The following PDE4B variants were observed in gnomAD, a reference collection of about 807,000 sequenced individuals.
PDE4B encodes phosphodiesterase 4B, also known as 3',5'-cyclic-AMP phosphodiesterase 4B.
PDE4B carries 20 observed loss-of-function variants against 82.2 expected under a neutral mutation model. That is an observed-to-expected ratio of 0.24 (90% CI 0.17 to 0.35). The LOEUF (loss-of-function observed/expected upper bound fraction) is 0.35. PDE4B is among the 10% of genes least tolerant of loss of function. PDE4B has a pLI of 1.00. For synonymous variants in PDE4B, 320 were observed against 318.9 expected, an observed-to-expected ratio of 1.00 and a Z score of -0.04; for missense variants, 655 against 907.2, an observed-to-expected ratio of 0.72 and a Z score of 3.57.
At chr1:66,185,024 G>A (rs1056284462) in intron 3 of PDE4B, among the ~76,000 whole-genome samples, 1 of 151,816 alleles carries the variant, frequency 6.6e-6, no homozygotes, top group African/African-American at 2.4e-5. Flanking sequence ...GGTGTGTGAT[G>A]TTCCCCTTCC....
intron 3 of PDE4B, among the ~76,000 whole-genome samples, chr1:66,020,906 G>T (rs1569999137): frequency 6.6e-6 from 1 of 152,160 alleles, no homozygotes; most frequent in South Asian, 2.1e-4. Flanking sequence ...CTTCCACAAT[G>T]GTTGAACTAG....
intron 7 of PDE4B, among the ~76,000 whole-genome samples, chr1:66,291,845 C>T (rs573974417): frequency 6.6e-6 from 1 of 152,060 alleles, no homozygotes; most frequent in Non-Finnish European, 1.5e-5. Context: ...GTTTCAATAT[C>T]CGAGTATCTT....
intron 1 of PDE4B, among the ~76,000 whole-genome samples, chr1:65,838,295 C>T (rs1646164573): frequency 6.6e-6 from 1 of 151,804 alleles, no homozygotes; most frequent in Admixed American, 6.6e-5. Context: ...TGAATATTGA[C>T]AAGAAATTTA....
chr1:65,854,209 T>A lies in PDE4B; in HGVS notation c.-70-59036T>A, dbSNP rs181921431. On this transcript the variant is annotated intron_variant, in intron 1 of 16. Coordinates refer to ENST00000341517, the MANE Select transcript of PDE4B (RefSeq NM_002600.4). Reference sequence around the variant, plus strand: ...TTGCTTATATATATATGCAAATATATATATACATTTATTATATACATAATA... The same window carrying A: ...TTGCTTATATATATATGCAAATATAAATATACATTTATTATATACATAATA... Among the ~76,000 whole-genome samples the A allele has an allele frequency of 5.3e-5, 8 of 151,576 alleles. No homozygotes were observed. In the East Asian group the frequency reaches 1.5e-3, roughly 29 times the overall value.
At chr1:66,171,146 C>T (rs1396986378) in intron 3 of PDE4B, among the ~76,000 whole-genome samples, 1 of 152,046 alleles carries the variant, frequency 6.6e-6, no homozygotes, top group East Asian at 1.9e-4. Flanking sequence ...AATCAGTCCA[C>T]AATTTTGCCT....
chr1:66,168,816 C>T (rs890838086), intron 3 of PDE4B, among the ~76,000 whole-genome samples: 9 of 152,178 alleles, frequency 5.9e-5, no homozygotes, highest in East Asian at 1.9e-4. Flanking sequence ...AATTAAGTTT[C>T]GACCATCTGT....
At chr1:65,844,334 AT>A (rs1646244242) in intron 1 of PDE4B, among the ~76,000 whole-genome samples, 2 of 152,326 alleles carry the variant, frequency 1.3e-5, no homozygotes, top group Admixed American at 1.3e-4. Context: ...CCAAACACAA[AT>A]ACATTTTTGA....
chr1:66,152,607 C>A (rs1176332495), intron 3 of PDE4B: 1 of 156,042 alleles, frequency 6.4e-6, no homozygotes, highest in Non-Finnish European at 1.3e-5. Context: ...TGTGTGTATA[C>A]ACATATATAT....
At chr1:66,320,870 TGACACTA>T (rs1659351458) in intron 7 of PDE4B, among the ~76,000 whole-genome samples, 1 of 152,194 alleles carries the variant, frequency 6.6e-6, no homozygotes, top group Admixed American at 6.5e-5. Flanking sequence ...GTAGAGGAGA[TGACACTA>T]GGCTGCATCC....
intron 3 of PDE4B, among the ~76,000 whole-genome samples, chr1:66,044,380 T>G (rs1377618085): frequency 6.6e-6 from 1 of 151,754 alleles, no homozygotes; most frequent in Non-Finnish European, 1.5e-5. Flanking sequence ...CTGAGAAAGT[T>G]TCTACATGAT....
At chr1:65,912,251 T>A (rs1417869469) in intron 1 of PDE4B, among the ~76,000 whole-genome samples, 1 of 152,204 alleles carries the variant, frequency 6.6e-6, no homozygotes, top group Non-Finnish European at 1.5e-5. Context: ...AAAAATTTTA[T>A]TTTAGACTTA....
intron 3 of PDE4B, among the ~76,000 whole-genome samples, chr1:65,981,974 C>A (rs1650713363): frequency 6.6e-6 from 1 of 152,112 alleles, no homozygotes; most frequent in South Asian, 2.1e-4. Context: ...TTAAGCCACC[C>A]AGACTGTGGT....
At position 65,819,164 on chromosome 1, in the gene PDE4B, G is replaced by A. The variant is rs576175907; in HGVS notation, c.-71+25916G>A. Among the ~76,000 whole-genome samples, 6 of 152,286 alleles carry A rather than the reference G, an allele frequency of 3.9e-5. No individual in the cohort carries two copies. In the South Asian group the frequency reaches 1.2e-3, roughly 32 times the overall value. On this transcript the variant is annotated intron_variant, in intron 1 of 16. Transcript: ENST00000341517. ...TTTCATTGGCCAAAGCAAGCCACAT[G>A]ACCTGTCCTAAATACAACAGGATGG... is the stretch of plus-strand genomic sequence containing the variant.
At chr1:66,173,643 G>A (rs1001672710) in intron 3 of PDE4B, among the ~76,000 whole-genome samples, 2 of 152,202 alleles carry the variant, frequency 1.3e-5, no homozygotes, top group Non-Finnish European at 2.9e-5. Context: ...TTCAACAGCT[G>A]AAGGCTTGGA....
intron 12 of PDE4B, 136 bp downstream of exon 12, chr1:66,363,707 T>C (rs1663002276): frequency 1.6e-6 from 1 of 636,322 alleles, no homozygotes; most frequent in Non-Finnish European, 2.6e-6. Context: ...AGCCCAGGGG[T>C]TCAAGGTTAC....
chr1:66,038,894 G>A (rs542188840), intron 3 of PDE4B, among the ~76,000 whole-genome samples: 4 of 152,136 alleles, frequency 2.6e-5, no homozygotes, highest in East Asian at 1.9e-4. Flanking sequence ...TTCTGTTTTC[G>A]TGACATGTTT....
At chr1:65,955,300 A>T (rs1649198640) in intron 3 of PDE4B, among the ~76,000 whole-genome samples, 1 of 152,080 alleles carries the variant, frequency 6.6e-6, no homozygotes, top group Non-Finnish European at 1.5e-5. Flanking sequence ...GGGAAGAGAG[A>T]TGTAGAAAAG....
chr1:66,099,721 C>A (rs1645184354), intron 3 of PDE4B, among the ~76,000 whole-genome samples: 1 of 151,926 alleles, frequency 6.6e-6, no homozygotes. Flanking sequence ...TATCTCAGTC[C>A]CAAGCACATA....
At chr1:66,370,705 C>T (rs2050726094) in intron 16 of PDE4B, among the ~76,000 whole-genome samples, 1 of 152,150 alleles carries the variant, frequency 6.6e-6, no homozygotes, top group South Asian at 2.1e-4. Flanking sequence ...CAAAAACATT[C>T]TCAGCATTTC....
Sources: gnomAD v4.1 joint callset for allele counts (sites outside exome capture counted in the v4.1 genomes callset) on GRCh38, gnomAD v4.1.1 for gene constraint, MANE v1.5 for transcripts, NCBI Gene and HGNC (gene_info 2026-07-23, HGNC 2026-07-21) for gene names.